UNC5A: variants seen among roughly 807,000 people sequenced by gnomAD.
The protein encoded by UNC5A is unc-5 netrin receptor A, also known as netrin receptor UNC5A.
UNC5A carries 20 observed loss-of-function variants against 87.4 expected under a neutral mutation model. That is an observed-to-expected ratio of 0.23 (90% CI 0.16 to 0.33). The LOEUF (loss-of-function observed/expected upper bound fraction) is 0.33, where lower values mean the gene tolerates loss of function less well. Among genes scored for constraint, UNC5A ranks in the 10% least tolerant of loss-of-function variants. The probability of loss-of-function intolerance (pLI) is 1.00; values close to 1 mark genes in which losing one functional copy is unlikely to be tolerated. For synonymous variants in UNC5A, 438 were observed against 482.3 expected (o/e 0.91, Z 1.20); for missense variants, 844 against 1,133.4 (o/e 0.74, Z 3.67).
At chr5:176,856,514 C>T (rs967057790) in intron 1 of UNC5A, among the ~76,000 whole-genome samples, 1 of 152,244 alleles carries the variant, frequency 6.6e-6, no homozygotes, top group African/African-American at 2.4e-5. Flanking sequence ...CTCCTGCCCC[C>T]AGGGAGTTTA....
At chr5:176,872,263 C>A (rs77288841) in intron 6 of UNC5A, among the ~76,000 whole-genome samples, 3 of 30,156 alleles carry the variant, frequency 9.9e-5, no homozygotes, top group East Asian at 1.5e-3. Context: ...CCACAGCTTC[C>A]CATCTGCCCA....
rs774184163 is a variant in UNC5A, at chr5:176,866,042, G to C, written c.293-2088G>C. On this transcript the variant is annotated intron_variant, in intron 2 of 14. Transcript: ENST00000329542. This position sits in a 1 kb window ranked among gnomAD's most constrained non-coding sequence, Gnocchi z 5.0. ...TGAGAAGGTGAGAACCGAAGTGCCA[G>C]CTTGGCCTCAGAGCCCCAGCTAGAA... Among the ~76,000 whole-genome samples the C allele has an allele frequency of 1.2e-4, 19 of 152,364 alleles. 1 individual carries two copies. Among genetic ancestry groups the C allele is most frequent in the Middle Eastern group, 6.8e-3 (2 of 294 alleles).
chr5:176,877,076 C>T, intron 8 of UNC5A, 116 bp from the exon 9 acceptor site: 1 of 821,280 alleles, frequency 1.2e-6, no homozygotes, highest in Non-Finnish European at 1.9e-6. Flanking sequence ...CCCCTCTGTC[C>T]CCAGGCCGGG....
Position 176,866,668 on chromosome 5 carries a change from CT to C in UNC5A, c.293-1461del, listed in dbSNP as rs992444661. On this transcript the variant is annotated intron_variant, in intron 2 of 14. Coordinates refer to ENST00000329542, the MANE Select transcript of UNC5A (RefSeq NM_133369.3). The surrounding 1 kb of genome is among the most constrained non-coding windows in gnomAD (Gnocchi z 5.0). ...AGAGGATGAAGGGAGTGGAGGGCCC[CT>C]CCCCAGATCTCCTTATCAGATGCCC... is the stretch of plus-strand genomic sequence containing the variant. 2.8e-4 allele frequency among the ~76,000 whole-genome samples: 42 copies of C among 152,276 alleles called. No individual in the cohort carries two copies. The highest frequency in any genetic ancestry group is 9.6e-4 in the African/African-American group (40 of 41,532).
At chr5:176,860,009 T>C (rs927354650) in intron 1 of UNC5A, among the ~76,000 whole-genome samples, 1 of 152,206 alleles carries the variant, frequency 6.6e-6, no homozygotes, top group Non-Finnish European at 1.5e-5. Flanking sequence ...TTGTGCTGGG[T>C]TCACCAGGCG....
intron 1 of UNC5A, among the ~76,000 whole-genome samples, chr5:176,830,197 C>A (rs1180739812): frequency 6.6e-6 from 1 of 152,202 alleles, no homozygotes; most frequent in Non-Finnish European, 1.5e-5. Context: ...CCACCTCCGC[C>A]AGGTCTCAGC....
chr5:176,810,991 C>T lies in UNC5A; in HGVS notation c.70+171C>T, dbSNP rs1161184602. 2.0e-5 allele frequency among the ~76,000 whole-genome samples: 3 copies of T among 152,070 alleles called. No individual in the cohort carries two copies. Among genetic ancestry groups the T allele is most frequent in the Admixed American group, 2.0e-4 (3 of 15,278 alleles). ...TCTTCTTGCTGCTGCGCAGCTTCCC[C>T]GCGCGCTCTCCCGGAAGCCTGGGTT... On this transcript the variant is annotated intron_variant, in intron 1 of 14. Transcript: ENST00000329542. The surrounding 1 kb of genome is among the most constrained non-coding windows in gnomAD (Gnocchi z 7.3).
intron 1 of UNC5A, among the ~76,000 whole-genome samples, chr5:176,860,079 C>CACACGCCCAGCCAGGGA (rs1261825515): frequency 6.6e-6 from 1 of 152,210 alleles, no homozygotes; most frequent in Non-Finnish European, 1.5e-5. Flanking sequence ...CCGCACACCC[C>CACACGCCCAGCCAGGGA]CTCCCTGCCC....
rs1439022802 is a variant in UNC5A at position 176,838,444 on chromosome 5, G to A, written c.71-24180G>A. 2.0e-5 allele frequency among the ~76,000 whole-genome samples: 3 copies of A among 152,226 alleles called. No homozygotes were observed. The highest frequency in any genetic ancestry group is 4.4e-5 in the Non-Finnish European group (3 of 68,040). On this transcript the variant is annotated intron_variant, in intron 1 of 14. Transcript: ENST00000329542. This position sits in a 1 kb window ranked among gnomAD's most constrained non-coding sequence, Gnocchi z 4.2. ...TCACTCCAGCCAAACTGGATTCTCA[G>A]TTAACAATCTTTTGGTTGCAGTATG...
chr5:176,814,358 G>A (rs771785685), intron 1 of UNC5A, among the ~76,000 whole-genome samples: 2 of 152,196 alleles, frequency 1.3e-5, no homozygotes, highest in Non-Finnish European at 2.9e-5. Context: ...TGCCCTCCCT[G>A]GCTCTGACTG....
At chr5:176,817,870 G>A (rs1756632151) in intron 1 of UNC5A, among the ~76,000 whole-genome samples, 1 of 151,872 alleles carries the variant, frequency 6.6e-6, no homozygotes, top group South Asian at 2.1e-4. Flanking sequence ...GGGGCAGCCG[G>A]GCGCGGGGTA....
chr5:176,870,702 C>T, intron 6 of UNC5A, 168 bp downstream of exon 6: 1 of 748,108 alleles, frequency 1.3e-6, no homozygotes, highest in Non-Finnish European at 2.1e-6. Flanking sequence ...CACATGGGCC[C>T]AGGCGCGCCC....
Position 176,874,020 on chromosome 5 carries a change from C to G in UNC5A, c.939C>G (p.Ala313=). 3 of 1,614,052 alleles carry G rather than the reference C, an allele frequency of 1.9e-6. No individual in the cohort carries two copies. Among genetic ancestry groups the G allele is most frequent in the South Asian group, 1.1e-5 (1 of 91,086 alleles). The change falls in exon 7 of 15, where the codon GCC becomes GCG. Residue 313 remains alanine (A), a synonymous_variant. Coordinates refer to ENST00000329542, the MANE Select transcript of UNC5A (RefSeq NM_133369.3). This position sits in a 1 kb window ranked among gnomAD's most constrained non-coding sequence, Gnocchi z 7.6. Reference sequence around the variant, plus strand: ...TCTATGTGGGCCTCATCGCCGTGGCCGTCTGCCTGGTCCTGCTGCTGCTTG... The same window carrying G: ...TCTATGTGGGCCTCATCGCCGTGGCGGTCTGCCTGGTCCTGCTGCTGCTTG... ...VALYVGLIAV[A]VCLVLLLLVL...
Position 176,841,116 on chromosome 5 carries a change from A to G in UNC5A, c.71-21508A>G, listed in dbSNP as rs1443038530. ...AACGGGAGTGTCAGAAACTGTTCTC[A>G]TCTCTTCAGCTAAACTTGTAAGGTC... is the stretch of plus-strand genomic sequence containing the variant. On this transcript the variant is annotated intron_variant, in intron 1 of 14. Coordinates refer to ENST00000329542, the MANE Select transcript of UNC5A (RefSeq NM_133369.3). This position sits in a 1 kb window ranked among gnomAD's most constrained non-coding sequence, Gnocchi z 4.1. Among the ~76,000 whole-genome samples, 2 of 152,244 alleles carry G rather than the reference A, an allele frequency of 1.3e-5. No homozygotes were observed. Among genetic ancestry groups the G allele is most frequent in the East Asian group, 3.8e-4 (2 of 5,202 alleles).
chr5:176,831,931 C>G (rs1329655507), intron 1 of UNC5A, among the ~76,000 whole-genome samples: 3 of 128,398 alleles, frequency 2.3e-5, no homozygotes, highest in Non-Finnish European at 4.7e-5. Context: ...GAGTCTCACT[C>G]TGTTGCCCAG....
rs1377624606 is a variant in UNC5A, at chr5:176,879,915, C to T, written c.*29C>T. 17 of 1,598,238 alleles carry T rather than the reference C, an allele frequency of 1.1e-5. No individual in the cohort carries two copies. The highest frequency in any genetic ancestry group is 2.3e-5 in the East Asian group (1 of 44,436). On this transcript the variant is annotated 3_prime_UTR_variant, in exon 15 of 15. Coordinates refer to ENST00000329542, the MANE Select transcript of UNC5A (RefSeq NM_133369.3). ...CGGCCAGGCCCGACACCTACACTCTCACCAGCTTTGGCACCCACCAAGGAC... is the reference window on the plus strand; with the variant it reads ...CGGCCAGGCCCGACACCTACACTCTTACCAGCTTTGGCACCCACCAAGGAC...
At chr5:176,833,412 A>G (rs1422947394) in intron 1 of UNC5A, among the ~76,000 whole-genome samples, 1 of 152,218 alleles carries the variant, frequency 6.6e-6, no homozygotes, top group Non-Finnish European at 1.5e-5. Flanking sequence ...CTCTTCCGGC[A>G]TTAATTCACT....
At chr5:176,834,699 C>CTCTG (rs1554097354) in intron 1 of UNC5A, among the ~76,000 whole-genome samples, 2 of 150,602 alleles carry the variant, frequency 1.3e-5, no homozygotes, top group Admixed American at 1.3e-4. Flanking sequence ...CTCTCTCTCT[C>CTCTG]TCTCTGTCTC....
At chr5:176,845,500 C>T (rs1156273916) in intron 1 of UNC5A, among the ~76,000 whole-genome samples, 1 of 152,266 alleles carries the variant, frequency 6.6e-6, no homozygotes, top group Non-Finnish European at 1.5e-5. Context: ...CCTGTGCTTG[C>T]TGGCTTCCCC....
Sources: allele counts gnomAD v4.1 joint callset (sites outside exome capture counted in the v4.1 genomes callset), GRCh38; gene constraint gnomAD v4.1.1; non-coding constraint Gnocchi (gnomAD v3.1); transcripts MANE v1.5; gene names NCBI Gene and HGNC (gene_info 2026-07-23, HGNC 2026-07-21).